CCDC192: variants seen among roughly 807,000 people sequenced by gnomAD.
CCDC192 encodes the protein coiled-coil domain-containing protein 192.
chr5:127,862,594 ACT>A (rs1422497341), intron 5 of CCDC192, among the ~76,000 whole-genome samples: 5 of 152,050 alleles, frequency 3.3e-5, no homozygotes, highest in Admixed American at 3.3e-4. Context: ...TTTTTAAGAA[ACT>A]CTTCAGATAG....
intron 3 of CCDC192, among the ~76,000 whole-genome samples, chr5:127,791,930 G>C (rs565134242): frequency 3.0e-4 from 45 of 152,312 alleles, no homozygotes; most frequent in African/African-American, 1.1e-3. Context: ...AGAGGTGAAA[G>C]AAACCATGTG....
At chr5:127,850,644 C>G (rs1038861082) in intron 5 of CCDC192, among the ~76,000 whole-genome samples, 4 of 152,062 alleles carry the variant, frequency 2.6e-5, no homozygotes, top group African/African-American at 9.7e-5. Context: ...GGGAGAATTC[C>G]TTGGGGCACT....
intron 2 of CCDC192, among the ~76,000 whole-genome samples, chr5:127,731,308 G>A (rs544593817): frequency 6.6e-6 from 1 of 152,270 alleles, no homozygotes; most frequent in South Asian, 2.1e-4. Flanking sequence ...CAGCTAACAA[G>A]GGGAGTGAAG....
intron 6 of CCDC192, among the ~76,000 whole-genome samples, chr5:127,904,954 C>G (rs1753156190): frequency 6.6e-6 from 1 of 151,940 alleles, no homozygotes; most frequent in South Asian, 2.1e-4. Flanking sequence ...AATGAAAAGC[C>G]TCTGTGCAAC....
At chr5:127,907,381 T>C (rs893424093) in intron 6 of CCDC192, among the ~76,000 whole-genome samples, 1 of 152,208 alleles carries the variant, frequency 6.6e-6, no homozygotes, top group Admixed American at 6.5e-5. Flanking sequence ...TAAAGTTATC[T>C]CAAGTAATTT....
chr5:127,844,878 T>C (rs1392824128), intron 5 of CCDC192, among the ~76,000 whole-genome samples: 1 of 152,238 alleles, frequency 6.6e-6, no homozygotes, highest in African/African-American at 2.4e-5. Context: ...GAGGAAATAA[T>C]GTCTGAAGCC....
intron 6 of CCDC192, among the ~76,000 whole-genome samples, chr5:127,909,685 C>T (rs1753292970): frequency 6.6e-6 from 1 of 151,932 alleles, no homozygotes. Flanking sequence ...CAGGGCACTT[C>T]CTAATAGCAT....
At chr5:127,742,666 C>T (rs1753488874) in intron 2 of CCDC192, among the ~76,000 whole-genome samples, 1 of 152,052 alleles carries the variant, frequency 6.6e-6, no homozygotes, top group Admixed American at 6.6e-5. Context: ...CATAGGACTG[C>T]CAACTTTTCA....
intron 5 of CCDC192, among the ~76,000 whole-genome samples, chr5:127,854,496 G>T (rs1029673113): frequency 4.6e-5 from 7 of 151,958 alleles, no homozygotes; most frequent in Non-Finnish European, 7.4e-5. Flanking sequence ...TAATTTATAA[G>T]TAAAACTCTA....
At chr5:127,744,598 T>C (rs1753631231) in intron 2 of CCDC192, among the ~76,000 whole-genome samples, 1 of 152,204 alleles carries the variant, frequency 6.6e-6, no homozygotes, top group South Asian at 2.1e-4. Context: ...TTTAAAAATC[T>C]TGCTCTTAAA....
chr5:127,846,244 G>A (rs1477856785), intron 5 of CCDC192, among the ~76,000 whole-genome samples: 1 of 150,152 alleles, frequency 6.7e-6, no homozygotes. Flanking sequence ...AGCCAAGATC[G>A]TGCCACTGCA....
chr5:127,756,007 C>T (rs1252805024), intron 3 of CCDC192, among the ~76,000 whole-genome samples: 3 of 152,118 alleles, frequency 2.0e-5, no homozygotes, highest in Middle Eastern at 3.4e-3. Context: ...GTGGGTGGCA[C>T]CTGTAGTCCC....
intron 2 of CCDC192, among the ~76,000 whole-genome samples, chr5:127,738,810 G>T (rs147308569): frequency 2.0e-5 from 3 of 152,192 alleles, no homozygotes; most frequent in Admixed American, 6.5e-5. Flanking sequence ...CTCTGTATTG[G>T]TTATTCTAGT....
At chr5:127,734,255 C>T (rs1752830338) in intron 2 of CCDC192, among the ~76,000 whole-genome samples, 1 of 151,942 alleles carries the variant, frequency 6.6e-6, no homozygotes, top group African/African-American at 2.4e-5. Flanking sequence ...AGGACATGAA[C>T]TCATCACTTT....
intron 2 of CCDC192, among the ~76,000 whole-genome samples, chr5:127,751,121 G>C (rs1487981930): frequency 2.0e-5 from 3 of 147,214 alleles, no homozygotes; most frequent in Non-Finnish European, 4.5e-5. Context: ...TACATTTAAA[G>C]TTAATATTGT....
At chr5:127,721,822 G>A (rs533121369) in intron 2 of CCDC192, among the ~76,000 whole-genome samples, 9 of 152,154 alleles carry the variant, frequency 5.9e-5, no homozygotes, top group Admixed American at 2.0e-4. Context: ...GGCATGTCTT[G>A]CATGGCTGGG....
intron 2 of CCDC192, among the ~76,000 whole-genome samples, chr5:127,750,067 C>T (rs1160570907): frequency 2.6e-5 from 4 of 152,006 alleles, no homozygotes; most frequent in African/African-American, 9.7e-5. Flanking sequence ...AAAACCAGCT[C>T]CTGGATTCAT....
intron 5 of CCDC192, among the ~76,000 whole-genome samples, chr5:127,870,740 T>G (rs1040642701): frequency 7.9e-5 from 12 of 152,152 alleles, no homozygotes; most frequent in Non-Finnish European, 7.4e-5. Context: ...ATGACACATA[T>G]TTGACATCCC....
chr5:127,844,879 G>A (rs1750460706), intron 5 of CCDC192, among the ~76,000 whole-genome samples: 1 of 152,216 alleles, frequency 6.6e-6, no homozygotes, highest in African/African-American at 2.4e-5. Context: ...AGGAAATAAT[G>A]TCTGAAGCCT....
Sources: allele counts gnomAD v4.1 joint callset (sites outside exome capture counted in the v4.1 genomes callset), GRCh38; gene constraint gnomAD v4.1.1; transcripts MANE v1.5; gene names NCBI Gene and HGNC (gene_info 2026-07-23, HGNC 2026-07-21).